CAMLG: variants seen among roughly 807,000 people sequenced by gnomAD.
CAMLG encodes the protein guided entry of tail-anchored proteins factor CAMLG.
CAMLG carries 23 observed loss-of-function variants against 28.9 expected under a neutral mutation model. That is an observed-to-expected ratio of 0.80 (90% confidence interval 0.57 to 1.13). The LOEUF (loss-of-function observed/expected upper bound fraction) is 1.13. CAMLG is among the 50% of genes most tolerant of loss of function. CAMLG has a pLI of 0.00. For missense variants in CAMLG, 367 were observed against 371.9 expected (o/e 0.99, Z 0.11); for synonymous variants, 141 against 146.5 (o/e 0.96, Z 0.27).
rs368615673 is a variant in CAMLG, at chr5:134,738,708, G to A, written c.88G>A (p.Glu30Lys). ...SGLSASQRRA[E>K]LRRRKLLMNS... ...TCTGTCGGCTTCCCAGCGTCGGGCG[G>A]AGCTGCGTCGGAGAAAGCTGCTCAT... Residue 30 changes from glutamate to lysine, a missense_variant, in exon 1 of 4, where the codon GAG becomes AAG. By Grantham distance (56) the Glu-to-Lys change is moderately conservative. Transcript: ENST00000297156. 1.2e-6 allele frequency: 2 copies of A among 1,613,990 alleles called. No individual in the cohort carries two copies. The highest frequency in any genetic ancestry group is 3.3e-5 in the Admixed American group (2 of 60,000).
In CAMLG at chr5:134,741,113, T is replaced by G; in HGVS notation, c.223T>G (p.Ser75Ala). The change falls in exon 2 of 4, where the codon TCC becomes GCC. Residue 75 changes from serine to alanine, a missense_variant. By Grantham distance (99) the Ser-to-Ala change is moderately conservative. Transcript: ENST00000297156. ...GCAGCAGGACAGTGATAAACTGAACTCCCTCAGCGTTCCTTCCGTTTCAAA... is the reference window on the plus strand; with the variant it reads ...GCAGCAGGACAGTGATAAACTGAACGCCCTCAGCGTTCCTTCCGTTTCAAA... ...SKQQDSDKLN[S>A]LSVPSVSKRV... 3 of 1,614,110 alleles carry G rather than the reference T, an allele frequency of 1.9e-6. No individual in the cohort carries two copies. Among genetic ancestry groups the G allele is most frequent in the Non-Finnish European group, 2.5e-6 (3 of 1,179,942 alleles).
chr5:134,744,588 C>T (rs1226074043), intron 3 of CAMLG, among the ~76,000 whole-genome samples: 1 of 147,238 alleles, frequency 6.8e-6, no homozygotes, highest in African/African-American at 2.5e-5. Flanking sequence ...ATTGCCATAA[C>T]ATTGTTATTC....
Position 134,750,964 on chromosome 5 carries a change from GAGA to G in CAMLG, c.*17_*19del, listed in dbSNP as rs755657099. The G allele has an allele frequency of 9.6e-6, 15 of 1,562,272 alleles. No homozygotes were observed. The highest frequency in any genetic ancestry group is 1.2e-5 in the South Asian group (1 of 84,368). On this transcript the variant is annotated 3_prime_UTR_variant, in exon 4 of 4. Transcript: ENST00000297156. The stretch of plus-strand genomic sequence containing the variant: ...GAAGTACCATGAAGCCTGTAGAACT[GAGA>G]AGGAGAAGCTTACAAAAAAAAAAAA...
chr5:134,738,705 G>A lies in CAMLG; in HGVS notation c.85G>A (p.Ala29Thr), dbSNP rs777067740. 12 of 1,614,000 alleles carry A rather than the reference G, an allele frequency of 7.4e-6. No homozygotes were observed. The Admixed American group carries it at 2.0e-4, about 27-fold the overall frequency. Residue 29 changes from alanine to threonine, a missense_variant, in exon 1 of 4, where the codon GCG becomes ACG. Transcript: ENST00000297156. Reference sequence around the variant, plus strand: ...AGGTCTGTCGGCTTCCCAGCGTCGGGCGGAGCTGCGTCGGAGAAAGCTGCT... The same window carrying A: ...AGGTCTGTCGGCTTCCCAGCGTCGGACGGAGCTGCGTCGGAGAAAGCTGCT... ...GSGLSASQRR[A>T]ELRRRKLLMN...
chr5:134,748,715 G>C (rs1331226518), intron 3 of CAMLG, among the ~76,000 whole-genome samples: 1 of 152,082 alleles, frequency 6.6e-6, no homozygotes, highest in Non-Finnish European at 1.5e-5. Context: ...CTCCTTTCCA[G>C]GCAGTCCCAG....
intron 1 of CAMLG, among the ~76,000 whole-genome samples, chr5:134,740,651 G>A (rs570642853): frequency 6.6e-6 from 1 of 152,204 alleles, no homozygotes; most frequent in East Asian, 1.9e-4. Context: ...AGATGCAGAT[G>A]GAGTGTAGTG....
intron 3 of CAMLG, among the ~76,000 whole-genome samples, chr5:134,749,464 G>C (rs1481749027): frequency 1.3e-5 from 2 of 152,154 alleles, no homozygotes; most frequent in Non-Finnish European, 2.9e-5. Context: ...AAAAAAATGA[G>C]ACTAGAAAAT....
intron 3 of CAMLG, among the ~76,000 whole-genome samples, chr5:134,745,521 G>C (rs950797215): frequency 1.3e-5 from 2 of 152,034 alleles, no homozygotes; most frequent in African/African-American, 4.8e-5. Flanking sequence ...GGAGGCTGAG[G>C]GGGGTGGATC....
At chr5:134,739,171 A>G (rs1752954353) in intron 1 of CAMLG, among the ~76,000 whole-genome samples, 1 of 152,122 alleles carries the variant, frequency 6.6e-6, no homozygotes, top group South Asian at 2.1e-4. Context: ...TTTCCTTCTT[A>G]AGGTTCCAAG....
intron 2 of CAMLG, among the ~76,000 whole-genome samples, chr5:134,743,764 G>T (rs1325374137): frequency 1.3e-5 from 2 of 151,984 alleles, no homozygotes; most frequent in African/African-American, 2.4e-5. Context: ...TACTCAGAAG[G>T]CTGAGGCACG....
chr5:134,748,354 G>T (rs1753075597), intron 3 of CAMLG, among the ~76,000 whole-genome samples: 1 of 152,108 alleles, frequency 6.6e-6, no homozygotes. Flanking sequence ...CAAGACCAGT[G>T]TGGCCAACAT....
In CAMLG at chr5:134,738,629, G is replaced by T. The variant is rs546356304; in HGVS notation, c.9G>T (p.Ser3=). 9 of 1,610,838 alleles carry T rather than the reference G, an allele frequency of 5.6e-6. 1 individual carries two copies. In the Middle Eastern group the frequency reaches 1.4e-3, roughly 250 times the overall value. The part of the protein sequence containing the change: ME[S]MAVATDGGER... Reference sequence around the variant, plus strand: ...AGACTGTGGACGGGAGGATGGAGTCGATGGCCGTCGCTACCGACGGCGGGG... The same window carrying T: ...AGACTGTGGACGGGAGGATGGAGTCTATGGCCGTCGCTACCGACGGCGGGG... Residue 3 remains serine, a synonymous_variant, in exon 1 of 4, where the codon TCG becomes TCT. Transcript: ENST00000297156.
Position 134,751,009 on chromosome 5 carries a change from C to T in CAMLG, c.*59C>T, listed in dbSNP as rs1753109032. 3.7e-6 allele frequency: 5 copies of T among 1,356,308 alleles called. No homozygotes were observed. Among genetic ancestry groups the T allele is most frequent in the Admixed American group, 2.1e-5 (1 of 47,090 alleles). The allele number at this position is 1,356,308 out of a possible 1,614,324, so 84.0% of individuals were successfully genotyped here. A position where few individuals can be genotyped will look rare whatever the true frequency, so the allele number is the denominator to read the frequency against. Reference sequence around the variant, plus strand: ...AAAAAAAAAATCCTCTTCTATATTGCAGTGTCTCTAAAGGAGGCAAATTGG... The same window carrying T: ...AAAAAAAAAATCCTCTTCTATATTGTAGTGTCTCTAAAGGAGGCAAATTGG... On this transcript the variant is annotated 3_prime_UTR_variant, in exon 4 of 4. Transcript: ENST00000297156.
In CAMLG at chr5:134,745,956, T is replaced by G. The variant is rs554605147; in HGVS notation, c.699+1904T>G. Among the ~76,000 whole-genome samples the G allele has an allele frequency of 6.6e-4, 99 of 150,888 alleles. 1 individual carries two copies. The highest frequency in any genetic ancestry group is 6.8e-3 in the Middle Eastern group (2 of 292). On this transcript the variant is annotated intron_variant, in intron 3 of 3. Transcript: ENST00000297156. The stretch of plus-strand genomic sequence containing the variant: ...GATTTCGAGACCAGCCTGACCAACA[T>G]GGAGAAACCCCGTCTCTACTACAAA...
chr5:134,738,564 C>G lies in CAMLG; in HGVS notation c.-57C>G, dbSNP rs1752944878. ...CGGCCCGGCCTCTAGTCATCGCCCT[C>G]GCAGCGGCGGCCAACATCACCGCCA... On this transcript the variant is annotated 5_prime_UTR_variant, in exon 1 of 4. Transcript: ENST00000297156. 7.0e-7 allele frequency: 1 copy of G among 1,430,712 alleles called. No homozygotes were observed. The highest frequency in any genetic ancestry group is 1.3e-5 in the South Asian group (1 of 76,130). 88.6% of individuals were successfully genotyped at this position (1,430,712 alleles called of 1,614,324 possible).
At chr5:134,748,492 C>T (rs1753076979) in intron 3 of CAMLG, among the ~76,000 whole-genome samples, 2 of 152,116 alleles carry the variant, frequency 1.3e-5, no homozygotes, top group South Asian at 2.1e-4. Flanking sequence ...GGGCCGAGAT[C>T]CTGCCATTGC....
intron 2 of CAMLG, 31 bp downstream of exon 2, chr5:134,741,554 CTT>C (rs754100823): frequency 1.4e-6 from 2 of 1,390,788 alleles, no homozygotes; most frequent in Non-Finnish European, 1.0e-6. Context: ...TATTAACTAA[CTT>C]AATGGAAAAT....
At chr5:134,742,882 GCA>G (rs1753001021) in intron 2 of CAMLG, among the ~76,000 whole-genome samples, 1 of 152,086 alleles carries the variant, frequency 6.6e-6, no homozygotes, top group Non-Finnish European at 1.5e-5. Flanking sequence ...GGGACTACAG[GCA>G]TGTGCCAACA....
At chr5:134,745,266 T>C (rs1753032319) in intron 3 of CAMLG, among the ~76,000 whole-genome samples, 1 of 149,140 alleles carries the variant, frequency 6.7e-6, no homozygotes, top group Non-Finnish European at 1.5e-5. Flanking sequence ...TGAAATCCCA[T>C]CTCTACTAAA....
Sources: gnomAD v4.1 joint callset for allele counts (sites outside exome capture counted in the v4.1 genomes callset) on GRCh38, gnomAD v4.1.1 for gene constraint, MANE v1.5 for transcripts, NCBI Gene and HGNC (gene_info 2026-07-23, HGNC 2026-07-21) for gene names.